The following CCDC33 variants were observed in gnomAD, a reference collection of about 807,000 sequenced individuals.
CCDC33 encodes coiled-coil domain containing 33, also known as coiled-coil domain-containing protein 33.
Under a neutral mutation model 91.9 loss-of-function variants are expected in CCDC33, and 94 were observed. That is an observed-to-expected ratio of 1.02 (90% CI 0.87 to 1.21). The LOEUF is 1.21. Ranked by LOEUF, CCDC33 falls within the 50% of genes most tolerant of loss-of-function variation. The pLI, the probability that CCDC33 is intolerant of heterozygous loss-of-function variation, is 0.00. For missense variants in CCDC33, 940 were observed against 935.5 expected, an observed-to-expected ratio of 1.00 and a Z score of -0.06; for synonymous variants, 396 against 374.5, an observed-to-expected ratio of 1.06 and a Z score of -0.66.
intron 2 of CCDC33, among the ~76,000 whole-genome samples, chr15:74,252,367 G>A (rs1381950586): frequency 1.3e-5 from 2 of 152,172 alleles, no homozygotes; most frequent in African/African-American, 4.8e-5. Context: ...TGACCCATGG[G>A]CTTGTCTCAG....
rs1483722644 is a variant in CCDC33 at position 74,244,582 on chromosome 15, C to T, written c.185+434C>T. Among the ~76,000 whole-genome samples the T allele has an allele frequency of 6.6e-6, 1 of 152,034 alleles. No homozygotes were observed. The highest frequency in any genetic ancestry group is 1.5e-5 in the Non-Finnish European group (1 of 67,986). ...GGGTCCTCATAACCACCCTCCCCTC[C>T]TCCCCTCCTTCTCCAGTCACTTCTA... is the stretch of plus-strand genomic sequence containing the variant. On this transcript the variant is annotated intron_variant, in intron 2 of 18. Transcript: ENST00000398814. The surrounding 1 kb of genome is among the most constrained non-coding windows in gnomAD (Gnocchi z 4.2).
chr15:74,295,925 G>A lies in CCDC33; in HGVS notation c.1267G>A (p.Val423Met), dbSNP rs766546171. Reference sequence around the variant, plus strand: ...ACGAGAAGCAGAGGAGGAACCTCTGGTGCCTGAGATGTCCCATGACACAGT... The same window carrying A: ...ACGAGAAGCAGAGGAGGAACCTCTGATGCCTGAGATGTCCCATGACACAGT... ...TPREAEEEPL[V>M]PEMSHDTEMN... is the part of the protein sequence containing the mutation. The change falls in exon 11 of 19, where the codon GTG becomes ATG. Residue 423 changes from valine (V) to methionine (M), a missense_variant. Transcript: ENST00000398814. 6.8e-6 allele frequency: 11 copies of A among 1,613,376 alleles called. No individual in the cohort carries two copies. The highest frequency in any genetic ancestry group is 4.2e-6 in the Non-Finnish European group (5 of 1,179,648).
At chr15:74,268,490 T>TGGGGGG in intron 5 of CCDC33, 32 bp downstream of exon 5, 1 of 1,220,206 alleles carries the variant, frequency 8.2e-7, no homozygotes, top group Admixed American at 1.8e-5. Context: ...GGGGTGGTGG[T>TGGGGGG]GGGGGTGGGA....
At chr15:74,313,057 C>T (rs1268137230) in intron 11 of CCDC33, among the ~76,000 whole-genome samples, 1 of 152,230 alleles carries the variant, frequency 6.6e-6, no homozygotes, top group East Asian at 1.9e-4. Context: ...TTGGCAGGTT[C>T]TTGTTACGAG....
intron 11 of CCDC33, among the ~76,000 whole-genome samples, chr15:74,324,593 T>G (rs1206855137): frequency 1.3e-5 from 2 of 151,828 alleles, no homozygotes; most frequent in African/African-American, 4.8e-5. Context: ...CTACCACCCC[T>G]TGTCCTTGAA....
At chr15:74,204,706 G>A (rs1055381887) in intron 1 of CCDC33, among the ~76,000 whole-genome samples, 1 of 152,208 alleles carries the variant, frequency 6.6e-6, no homozygotes, top group Non-Finnish European at 1.5e-5. Context: ...GCCGAGGCAG[G>A]TGGATCACCT....
chr15:74,229,437 G>T (rs1473882135), intron 2 of CCDC33, among the ~76,000 whole-genome samples: 1 of 152,166 alleles, frequency 6.6e-6, no homozygotes, highest in Non-Finnish European at 1.5e-5. Flanking sequence ...AGGTTGCAGT[G>T]AGCCAAGATC....
At chr15:74,307,487 G>T (rs555444604) in intron 11 of CCDC33, among the ~76,000 whole-genome samples, 28 of 152,032 alleles carry the variant, frequency 1.8e-4, no homozygotes, top group Non-Finnish European at 3.4e-4. Context: ...GACCGAGGGG[G>T]AGTCTTGGTC....
upstream of CCDC33, among the ~76,000 whole-genome samples, chr15:74,234,936 G>A (rs1320262125): frequency 6.6e-6 from 1 of 152,244 alleles, no homozygotes; most frequent in Non-Finnish European, 1.5e-5. Flanking sequence ...CCTGCTGCTA[G>A]AGAAGGAGCA....
Position 74,298,423 on chromosome 15 carries a change from A to G in CCDC33, c.1290+2475A>G, listed in dbSNP as rs144484379. 2.1e-3 allele frequency among the ~76,000 whole-genome samples: 320 copies of G among 152,318 alleles called. 1 individual carries two copies. Among genetic ancestry groups the G allele is most frequent in the African/African-American group, 7.5e-3 (310 of 41,576 alleles). The stretch of plus-strand genomic sequence containing the variant: ...ACATCTGAAAGAATATTAGAATAAC[A>G]TGGGTAGAGGGCCAGTCTTGATTTT... On this transcript the variant is annotated intron_variant, in intron 11 of 18. Coordinates refer to ENST00000398814, the MANE Select transcript of CCDC33 (RefSeq NM_025055.5).
At chr15:74,260,015 G>A (rs572749222) in intron 2 of CCDC33, among the ~76,000 whole-genome samples, 2 of 152,344 alleles carry the variant, frequency 1.3e-5, no homozygotes, top group African/African-American at 4.8e-5. Context: ...CCCTGAGGAG[G>A]GAGGCTGTGA....
At chr15:74,271,839 G>GCTCT (rs1566987287) in intron 6 of CCDC33, 45 bp downstream of exon 6, 1 of 1,508,086 alleles carries the variant, frequency 6.6e-7, no homozygotes, top group East Asian at 2.3e-5. Context: ...GCAGAGCAGA[G>GCTCT]GGCAGAGGAG....
chr15:74,249,120 G>A (rs1173342002), intron 2 of CCDC33, among the ~76,000 whole-genome samples: 2 of 152,094 alleles, frequency 1.3e-5, no homozygotes, highest in African/African-American at 4.8e-5. Context: ...AGTCTAAAAT[G>A]AAAGTTTATT....
chr15:74,305,746 C>T lies in CCDC33; in HGVS notation c.1290+9798C>T, dbSNP rs187318146. Among the ~76,000 whole-genome samples the T allele has an allele frequency of 1.2e-3, 179 of 152,282 alleles. 2 individuals carry two copies. The highest frequency in any genetic ancestry group is 4.2e-3 in the African/African-American group (175 of 41,542). ...TCATTCATGCATTCATTCATTTGTT[C>T]GACCAGGGTTTTGAGCATCTACTCT... On this transcript the variant is annotated intron_variant, in intron 11 of 18. Transcript: ENST00000398814.
Position 74,289,732 on chromosome 15 carries a change from A to T in CCDC33, c.1096-6022A>T, listed in dbSNP as rs144046866. On this transcript the variant is annotated intron_variant, in intron 10 of 18. Coordinates refer to ENST00000398814, the MANE Select transcript of CCDC33 (RefSeq NM_025055.5). ...AACTTGGGAGATTGAGTCTACAGTG[A>T]GCTGAGATGGTGCCACTACACCCCA... Among the ~76,000 whole-genome samples the T allele has an allele frequency of 4.0e-3, 605 of 152,216 alleles. 3 individuals carry two copies. Among genetic ancestry groups the T allele is most frequent in the South Asian group, 0.03 (143 of 4,818 alleles).
intron 2 of CCDC33, among the ~76,000 whole-genome samples, chr15:74,225,157 A>T (rs373532794): frequency 2.5e-4 from 28 of 113,962 alleles, no homozygotes; most frequent in African/African-American, 1.0e-3. Context: ...TGTGTGTGTG[A>T]CAGAGAATGA....
intron 2 of CCDC33, among the ~76,000 whole-genome samples, chr15:74,245,825 G>T (rs1262017686): frequency 6.6e-6 from 1 of 152,238 alleles, no homozygotes; most frequent in Non-Finnish European, 1.5e-5. Flanking sequence ...GCTGGGAGCA[G>T]CGCCCGGGCC....
intron 2 of CCDC33, among the ~76,000 whole-genome samples, chr15:74,254,750 T>C (rs1434633713): frequency 2.8e-5 from 4 of 142,486 alleles, no homozygotes; most frequent in Non-Finnish European, 6.0e-5. Flanking sequence ...CCTTCTTTTT[T>C]TTTTTTTTTT....
At chr15:74,256,896 T>G (rs570837900) in intron 2 of CCDC33, among the ~76,000 whole-genome samples, 1 of 152,228 alleles carries the variant, frequency 6.6e-6, no homozygotes, top group South Asian at 2.1e-4. Context: ...CACTTTTGGA[T>G]GAAGTGTGAG....
Sources: allele counts gnomAD v4.1 joint callset (sites outside exome capture counted in the v4.1 genomes callset), GRCh38; gene constraint gnomAD v4.1.1; non-coding constraint Gnocchi (gnomAD v3.1); transcripts MANE v1.5; gene names NCBI Gene and HGNC (gene_info 2026-07-23, HGNC 2026-07-21).